Variants in SRM observed in about 807,000 individuals in gnomAD.
SRM encodes spermidine synthase, also known as putrescine aminopropyltransferase.
SRM carries 14 observed loss-of-function variants against 39.3 expected under a neutral mutation model. That is an observed-to-expected ratio of 0.36 (90% CI 0.24 to 0.56). SRM has a LOEUF of 0.56. SRM is among the 20% of genes least tolerant of loss of function. SRM has a pLI of 0.86. For missense variants in SRM, 244 were observed against 409.2 expected (o/e 0.60, Z 3.48); for synonymous variants, 195 against 173.1 (o/e 1.13, Z -0.99).
intron 5 of SRM, 28 bp downstream of exon 5, chr1:11,055,983 G>GCCCCT (rs1638871760): frequency 1.4e-6 from 1 of 734,436 alleles, no homozygotes; most frequent in African/African-American, 1.8e-5. Flanking sequence ...ACCCCGCCCC[G>GCCCCT]CCCCAGTGCT....
At chr1:11,057,347 C>T (rs1280818501) in intron 3 of SRM, among the ~76,000 whole-genome samples, 1 of 151,812 alleles carries the variant, frequency 6.6e-6, no homozygotes, top group Non-Finnish European at 1.5e-5. Flanking sequence ...TCGAGACAGT[C>T]TTGCTCTGCT....
At chr1:11,057,264 C>A (rs1638895423) in intron 3 of SRM, among the ~76,000 whole-genome samples, 1 of 152,000 alleles carries the variant, frequency 6.6e-6, no homozygotes, top group Non-Finnish European at 1.5e-5. Context: ...TCTCTCCCAT[C>A]CCTACCCCCT....
At chr1:11,055,438 G>A (rs1226613522) in intron 6 of SRM, among the ~76,000 whole-genome samples, 2 of 144,930 alleles carry the variant, frequency 1.4e-5, no homozygotes, top group East Asian at 2.0e-4. Context: ...TTTTTGAGTC[G>A]GAATCTTCCT....
intron 1 of SRM, 26 bp downstream of exon 1, chr1:11,059,751 C>G (rs765892105): frequency 6.4e-7 from 1 of 1,570,002 alleles, no homozygotes; most frequent in Non-Finnish European, 8.6e-7. Flanking sequence ...GCCTAGGGGG[C>G]AGGCGCCTGC....
Position 11,054,786 on chromosome 1 carries a change from C to T in SRM, c.*79G>A. On this transcript the variant is annotated 3_prime_UTR_variant, in exon 8 of 8. Transcript: ENST00000376957. The surrounding 1 kb of genome is among the most constrained non-coding windows in gnomAD (Gnocchi z 4.8). The stretch of plus-strand genomic sequence containing the variant: ...GGGCGAGAGCCAGCAGGAGGTCCGG[C>T]CCGGGGCTGGAGGGGCCGAGGCACC... 3.3e-6 allele frequency: 5 copies of T among 1,519,074 alleles called. No homozygotes were observed. The highest frequency in any genetic ancestry group is 4.4e-6 in the Non-Finnish European group (5 of 1,133,718). The allele number at this position is 1,519,074 out of a possible 1,614,324, so 94.1% of individuals were successfully genotyped here. A position where few individuals can be genotyped will look rare whatever the true frequency, so the allele number is the denominator to read the frequency against.
chr1:11,057,627 C>G (rs1297269868), intron 3 of SRM, among the ~76,000 whole-genome samples: 1 of 149,520 alleles, frequency 6.7e-6, no homozygotes, highest in Non-Finnish European at 1.5e-5. Context: ...TCCCTGCACA[C>G]GGCCACCTGC....
intron 1 of SRM, 121 bp from the exon 2 acceptor site, chr1:11,059,466 T>C (rs745980196): frequency 6.0e-6 from 9 of 1,496,758 alleles, no homozygotes; most frequent in Non-Finnish European, 1.8e-6. Flanking sequence ...TGAGGAGCGA[T>C]GGTGACACGT....
At chr1:11,057,272 C>A (rs1001030484) in intron 3 of SRM, among the ~76,000 whole-genome samples, 1 of 151,948 alleles carries the variant, frequency 6.6e-6, no homozygotes, top group Non-Finnish European at 1.5e-5. Context: ...ATCCCTACCC[C>A]CTCCTTCCAG....
rs749400920 is a variant in SRM at position 11,059,907 on chromosome 1, G to A, written c.37C>T (p.Pro13Ser). ...PGPDGPAASG[P>S]AAIREGWFRE... Reference sequence around the variant, plus strand: ...AACCAGCCCTCGCGGATGGCGGCGGGGCCGGAGGCGGCGGGGCCGTCGGGG... The same window carrying A: ...AACCAGCCCTCGCGGATGGCGGCGGAGCCGGAGGCGGCGGGGCCGTCGGGG... The change falls in exon 1 of 8, where the codon CCC becomes TCC. Residue 13 changes from proline (P) to serine (S), a missense_variant. Physicochemically the swap from Pro to Ser is moderately conservative, Grantham distance 74. Coordinates refer to ENST00000376957, the MANE Select transcript of SRM (RefSeq NM_003132.3). 7.2e-7 allele frequency: 1 copy of A among 1,391,180 alleles called. No individual in the cohort carries two copies. The highest frequency in any genetic ancestry group is 9.3e-7 in the Non-Finnish European group (1 of 1,070,950). 86.2% of individuals were successfully genotyped at this position (1,391,180 alleles called of 1,614,324 possible).
chr1:11,056,179 G>A, intron 4 of SRM, 85 bp from the exon 5 acceptor site: 1 of 1,314,592 alleles, frequency 7.6e-7, no homozygotes, highest in Non-Finnish European at 1.0e-6. Flanking sequence ...CAGGTGGCCA[G>A]AGCCAGGATC....
chr1:11,058,532 G>C (rs1372473072), intron 3 of SRM, among the ~76,000 whole-genome samples: 3 of 144,512 alleles, frequency 2.1e-5, no homozygotes, highest in Non-Finnish European at 3.0e-5. Context: ...TCACACTCCA[G>C]CCTGGGCAAC....
chr1:11,055,838 G>A lies in SRM; in HGVS notation c.708C>T (p.Cys236=). The change falls in exon 6 of 8, where the codon TGC becomes TGT. Residue 236 remains cysteine (C), a synonymous_variant. Coordinates refer to ENST00000376957, the MANE Select transcript of SRM (RefSeq NM_003132.3). The part of the protein sequence containing the change: ...SLFPVVAYAY[C]TIPTYPSGQI... Reference sequence around the variant, plus strand: ...GGCCGCTGGGGTAGGTGGGGATGGTGCAGTAGGCATAGGCCACCACGGGGA... The same window carrying A: ...GGCCGCTGGGGTAGGTGGGGATGGTACAGTAGGCATAGGCCACCACGGGGA... 6.2e-7 allele frequency: 1 copy of A among 1,612,782 alleles called. No homozygotes were observed. The highest frequency in any genetic ancestry group is 1.1e-5 in the South Asian group (1 of 90,954).
intron 3 of SRM, 70 bp from the exon 4 acceptor site, chr1:11,056,827 G>T: frequency 6.4e-7 from 1 of 1,558,994 alleles, no homozygotes; most frequent in South Asian, 1.1e-5. Flanking sequence ...AGCCACGTGG[G>T]ACTCTCCAAG....
At position 11,055,117 on chromosome 1, in the gene SRM, G is replaced by A. The variant is rs1355847533; in HGVS notation, c.766-33C>T. ...CCGGGCCAGGGGCACATCAGGGGGG[G>A]CACTTTTTTTTTTTTTTTTTTGAGA... On this transcript the variant is annotated intron_variant, in intron 6 of 7. Coordinates refer to ENST00000376957, the MANE Select transcript of SRM (RefSeq NM_003132.3). The A allele has an allele frequency of 3.9e-6, 6 of 1,543,696 alleles. No homozygotes were observed. In the East Asian group the frequency reaches 6.8e-5, roughly 18 times the overall value.
Position 11,055,077 on chromosome 1 carries a change from T to C in SRM, c.773A>G (p.Asn258Ser), listed in dbSNP as rs1441624160. 1.2e-6 allele frequency: 2 copies of C among 1,609,874 alleles called. No homozygotes were observed. Among genetic ancestry groups the C allele is most frequent in the Admixed American group, 1.7e-5 (1 of 59,900 alleles). ...CAGCGGCTGCACCGGCTCCTGGAAG[T>C]TCGTGCTCTGGGGACCGGGCCAGGG... ...FMLCSKNPST[N>S]FQEPVQPLTQ... The change falls in exon 7 of 8, where the codon AAC (asparagine) becomes AGC (serine). Residue 258 changes from asparagine to serine, a missense_variant. Asn to Ser is a conservative substitution (Grantham distance 46, BLOSUM62 1). Transcript: ENST00000376957.
chr1:11,058,778 C>T, intron 3 of SRM, 22 bp downstream of exon 3: 7 of 1,588,898 alleles, frequency 4.4e-6, no homozygotes, highest in Non-Finnish European at 5.1e-6. Context: ...GGACTCAAAC[C>T]TGGCTCTACG....
At chr1:11,058,466 CAGA>C (rs1638918163) in intron 3 of SRM, among the ~76,000 whole-genome samples, 1 of 148,894 alleles carries the variant, frequency 6.7e-6, no homozygotes, top group African/African-American at 2.5e-5. Context: ...GAGGCTGAGG[CAGA>C]AGAACTACTT....
intron 3 of SRM, 38 bp downstream of exon 3, chr1:11,058,762 G>A: frequency 6.4e-7 from 1 of 1,553,108 alleles, no homozygotes; most frequent in Non-Finnish European, 8.7e-7. Flanking sequence ...GCCGCTGGGA[G>A]AACCAGGACT....
intron 1 of SRM, 140 bp downstream of exon 1, chr1:11,059,637 G>A: frequency 2.8e-6 from 3 of 1,079,698 alleles, no homozygotes; most frequent in Non-Finnish European, 3.9e-6. Context: ...GCCCAGGGAG[G>A]CGGTGTGAGG....
Sources: allele counts gnomAD v4.1 joint callset (sites outside exome capture counted in the v4.1 genomes callset), GRCh38; gene constraint gnomAD v4.1.1; non-coding constraint Gnocchi (gnomAD v3.1); transcripts MANE v1.5; gene names NCBI Gene and HGNC (gene_info 2026-07-23, HGNC 2026-07-21).